The following ZSWIM7 variants were observed in gnomAD, a reference collection of about 807,000 sequenced individuals.
ZSWIM7 encodes zinc finger SWIM domain-containing protein 7.
ZSWIM7 carries 22 observed loss-of-function variants against 21.1 expected under a neutral mutation model. That is an observed-to-expected ratio of 1.04 (90% CI 0.74 to 1.49). ZSWIM7 has a LOEUF of 1.49. Ranked by LOEUF, ZSWIM7 falls within the 40% of genes most tolerant of loss-of-function variation. The pLI is 0.00. For synonymous variants in ZSWIM7, 67 were observed against 66.5 expected, an observed-to-expected ratio of 1.01 and a Z score of -0.04; for missense variants, 193 against 168.0, an observed-to-expected ratio of 1.15 and a Z score of -0.82.
In ZSWIM7 at chr17:15,998,111, C is replaced by A. The variant is rs915958600; in HGVS notation, c.76+1408G>T. ...CAAGACTCTGTCTAAAAAAAAAAAA[C>A]AAACCAACCCAAACTACTGTCAGTG... On this transcript the variant is annotated intron_variant, in intron 1 of 4. Transcript: ENST00000399277. Among the ~76,000 whole-genome samples, 22 of 149,620 alleles carry A rather than the reference C, an allele frequency of 1.5e-4. No homozygotes were observed. In the South Asian group the frequency reaches 4.5e-3, roughly 30 times the overall value.
At chr17:15,982,812 T>C (rs538742307) in intron 3 of ZSWIM7, among the ~76,000 whole-genome samples, 1 of 152,106 alleles carries the variant, frequency 6.6e-6, no homozygotes, top group African/African-American at 2.4e-5. Context: ...CACCACCCTA[T>C]GCTAATTTTA....
chr17:15,997,917 A>T (rs1011321771), intron 1 of ZSWIM7, among the ~76,000 whole-genome samples: 19 of 152,108 alleles, frequency 1.2e-4, no homozygotes, highest in Non-Finnish European at 2.8e-4. Flanking sequence ...CCTGGCCAAT[A>T]TGGTGAAACC....
chr17:15,999,168 A>C (rs1326633745), intron 1 of ZSWIM7, among the ~76,000 whole-genome samples: 2 of 152,186 alleles, frequency 1.3e-5, no homozygotes, highest in Non-Finnish European at 2.9e-5. Flanking sequence ...CCACGTTTCT[A>C]TCACTCACTG....
chr17:15,999,624 G>C lies in ZSWIM7; in HGVS notation c.-30C>G, dbSNP rs779218631. On this transcript the variant is annotated 5_prime_UTR_variant, in exon 1 of 5. Coordinates refer to ENST00000399277, the MANE Select transcript of ZSWIM7 (RefSeq NM_001042697.2). ...CCGCAGGACACGCCCTCCACGACCG[G>C]CGGACCGCCGCGACGCTCCAGCTGA... 1.0e-4 allele frequency: 163 copies of C among 1,565,412 alleles called. No individual in the cohort carries two copies. Among genetic ancestry groups the C allele is most frequent in the Non-Finnish European group, 1.3e-4 (150 of 1,156,648 alleles).
chr17:15,979,296 G>C (rs1970316656), intron 4 of ZSWIM7, among the ~76,000 whole-genome samples: 1 of 151,850 alleles, frequency 6.6e-6, no homozygotes, highest in Admixed American at 6.6e-5. Flanking sequence ...AGAGAGCACA[G>C]GGTTGGGGGT....
At chr17:15,996,119 A>G (rs564249934) in intron 1 of ZSWIM7, among the ~76,000 whole-genome samples, 24 of 152,188 alleles carry the variant, frequency 1.6e-4, no homozygotes, top group Non-Finnish European at 2.8e-4. Flanking sequence ...CAGCCTGACT[A>G]ACATTTAGTA....
chr17:15,987,267 TG>T lies in ZSWIM7; in HGVS notation c.199del (p.Gln67ArgfsTer45). ...ISSPSGRRVY[Q>X]VLGSSSKTYT... ...TCACCCCCATCTCTAGACTTCTACC[TG>T]GTAAACACGCCTTCCACTGGGTGAT... is the stretch of plus-strand genomic sequence containing the variant. On this transcript the variant is annotated frameshift_variant and splice_region_variant, in exon 3 of 5. Transcript: ENST00000399277. LOFTEE classifies it high-confidence loss of function. 1 of 1,611,504 alleles carries T rather than the reference TG, an allele frequency of 6.2e-7. No individual in the cohort carries two copies. The highest frequency in any genetic ancestry group is 1.1e-5 in the South Asian group (1 of 90,518).
chr17:15,979,951 A>T (rs1357436498), intron 4 of ZSWIM7, among the ~76,000 whole-genome samples: 2 of 121,120 alleles, frequency 1.7e-5, no homozygotes, highest in Non-Finnish European at 3.4e-5. Flanking sequence ...CTGGCCGGGC[A>T]GAGGGGCTCC....
Position 15,995,063 on chromosome 17 carries a change from A to T in ZSWIM7, c.77-1285T>A, listed in dbSNP as rs74412138. On this transcript the variant is annotated intron_variant, in intron 1 of 4. Coordinates refer to ENST00000399277, the MANE Select transcript of ZSWIM7 (RefSeq NM_001042697.2). The stretch of plus-strand genomic sequence containing the variant: ...TCTATTACTAATATTTTATCATCAG[A>T]AAAAAGTTAATGCAATCATAAAACA... 1.1e-3 allele frequency among the ~76,000 whole-genome samples: 161 copies of T among 152,344 alleles called. 2 individuals are homozygous for T. The East Asian group carries it at 0.026, about 24-fold the overall frequency.
At chr17:15,999,187 C>G (rs1286999939) in intron 1 of ZSWIM7, among the ~76,000 whole-genome samples, 1 of 152,192 alleles carries the variant, frequency 6.6e-6, no homozygotes, top group Admixed American at 6.5e-5. Flanking sequence ...TGTAGGCTCC[C>G]GTCCCTTCCA....
chr17:15,983,398 G>C (rs1325471311), intron 3 of ZSWIM7, among the ~76,000 whole-genome samples: 1 of 140,620 alleles, frequency 7.1e-6, no homozygotes, highest in African/African-American at 2.6e-5. Flanking sequence ...ATTAGGTGTT[G>C]AAAAAGCACA....
chr17:15,999,417 A>G, intron 1 of ZSWIM7, 102 bp downstream of exon 1: 16 of 1,410,846 alleles, frequency 1.1e-5, no homozygotes, highest in Non-Finnish European at 1.6e-5. Context: ...GAAAAAAGGC[A>G]GGGCCAGGCC....
At chr17:15,991,458 A>G (rs971456879) in intron 2 of ZSWIM7, among the ~76,000 whole-genome samples, 2 of 152,174 alleles carry the variant, frequency 1.3e-5, no homozygotes, top group African/African-American at 4.8e-5. Flanking sequence ...TGCAATTTAC[A>G]TTCCTGTTAT....
intron 4 of ZSWIM7, among the ~76,000 whole-genome samples, chr17:15,979,469 T>C (rs373339876): frequency 1.3e-5 from 2 of 149,870 alleles, no homozygotes; most frequent in Non-Finnish European, 2.9e-5. Flanking sequence ...AAAACCGCCA[T>C]TGTCATCATG....
At chr17:15,982,468 T>G (rs918051729) in intron 3 of ZSWIM7, among the ~76,000 whole-genome samples, 1 of 152,050 alleles carries the variant, frequency 6.6e-6, no homozygotes, top group East Asian at 1.9e-4. Flanking sequence ...GACTTTTAAA[T>G]TTTTTTTGAA....
intron 2 of ZSWIM7, 25 bp downstream of exon 2, chr17:15,993,732 C>T (rs763018971): frequency 7.0e-7 from 1 of 1,429,746 alleles, no homozygotes; most frequent in Non-Finnish European, 9.6e-7. Flanking sequence ...AAAAAAAAAT[C>T]AAATACAACA....
chr17:15,989,742 C>T (rs1306289429), intron 2 of ZSWIM7, among the ~76,000 whole-genome samples: 1 of 151,998 alleles, frequency 6.6e-6, no homozygotes, highest in African/African-American at 2.4e-5. Context: ...GTGATCCTCC[C>T]ACCACCTCAG....
At chr17:15,983,070 G>A (rs1449889089) in intron 3 of ZSWIM7, among the ~76,000 whole-genome samples, 5 of 152,096 alleles carry the variant, frequency 3.3e-5, no homozygotes, top group African/African-American at 1.2e-4. Context: ...GTTCAGGCCG[G>A]GCATAGTGGC....
rs1970288628 is a variant in ZSWIM7 at position 15,977,243 on chromosome 17, T to C, written c.*804A>G. 1 of 152,226 alleles carries C rather than the reference T, an allele frequency of 6.6e-6. No individual in the cohort carries two copies. The highest frequency in any genetic ancestry group is 1.5e-5 in the Non-Finnish European group (1 of 68,042). The allele number at this position is 152,226 out of a possible 1,614,324, so 9.4% of individuals were successfully genotyped here. A position where few individuals can be genotyped will look rare whatever the true frequency, so the allele number is the denominator to read the frequency against. On this transcript the variant is annotated 3_prime_UTR_variant, in exon 5 of 5. Coordinates refer to ENST00000399277, the MANE Select transcript of ZSWIM7 (RefSeq NM_001042697.2). ...AAACCAGAACCTCTAAGTCTTTTCA[T>C]ACCTGCTACTGTTTAGCCACATCTC... is the stretch of plus-strand genomic sequence containing the variant.
Sources: gnomAD v4.1 joint callset for allele counts (sites outside exome capture counted in the v4.1 genomes callset) on GRCh38, gnomAD v4.1.1 for gene constraint, MANE v1.5 for transcripts, NCBI Gene and HGNC (gene_info 2026-07-23, HGNC 2026-07-21) for gene names.